The following MINDY4B variants were observed in gnomAD, a reference collection of about 807,000 sequenced individuals.
MINDY4B encodes inactive ubiquitin carboxyl-terminal hydrolase MINDY-4B.
In MINDY4B, 25 loss-of-function variants were observed where a neutral mutation model predicts 16.7. That is an observed-to-expected ratio of 1.49 (90% CI 1.09 to 2.09). MINDY4B has a LOEUF of 2.09. Ranked by LOEUF, MINDY4B falls within the 30% of genes most tolerant of loss-of-function variation. The pLI, the probability that MINDY4B is intolerant of heterozygous loss-of-function variation, is 0.00. For missense variants in MINDY4B, 327 were observed against 168.4 expected (o/e 1.94, Z -5.21); for synonymous variants, 132 against 61.9 (o/e 2.13, Z -5.32).
intron 5 of MINDY4B, among the ~76,000 whole-genome samples, chr3:150,891,670 G>A (rs1711811183): frequency 1.3e-5 from 2 of 151,032 alleles, no homozygotes. Flanking sequence ...GCTGAGGCAG[G>A]AGAATGGTTT....
chr3:150,880,251 G>C (rs927593085), intron 10 of MINDY4B, among the ~76,000 whole-genome samples: 1 of 152,184 alleles, frequency 6.6e-6, no homozygotes, highest in South Asian at 2.1e-4. Flanking sequence ...TTCCAGGCCA[G>C]GGTTATTTTG....
chr3:150,887,851 G>A (rs13074953), intron 7 of MINDY4B, among the ~76,000 whole-genome samples: 10,039 of 152,250 alleles, frequency 0.066, 461 homozygotes, highest in African/African-American at 0.12. Context: ...GCTCACGCCT[G>A]TAATCCCAGC....
intron 4 of MINDY4B, among the ~76,000 whole-genome samples, chr3:150,893,964 T>C (rs1711892572): frequency 6.6e-6 from 1 of 152,214 alleles, no homozygotes; most frequent in Non-Finnish European, 1.5e-5. Context: ...CAGCTGGGAT[T>C]ACAGGTGTGA....
At chr3:150,874,176 C>T (rs1279288252) in intron 10 of MINDY4B, among the ~76,000 whole-genome samples, 7 of 152,016 alleles carry the variant, frequency 4.6e-5, no homozygotes, top group East Asian at 3.9e-4. Context: ...CCATCATGCC[C>T]GACTAATTTT....
rs1458008123 is a variant in MINDY4B at position 150,903,421 on chromosome 3, G to T, written c.142-5C>A. Reference sequence around the variant, plus strand: ...TGTATGGTTGCCTTCATGATTCTGTGCAAATATCACCCCCACAAAAGACAA... The same window carrying T: ...TGTATGGTTGCCTTCATGATTCTGTTCAAATATCACCCCCACAAAAGACAA... On this transcript the variant is annotated splice_region_variant and splice_polypyrimidine_tract_variant and intron_variant, in intron 2 of 11. Transcript: ENST00000465419. The T allele has an allele frequency of 1.3e-5, 5 of 398,366 alleles. No individual in the cohort carries two copies. The highest frequency in any genetic ancestry group is 1.8e-5 in the Non-Finnish European group (4 of 225,968). The allele number at this position is 398,366 out of a possible 1,614,324, so 24.7% of individuals were successfully genotyped here. A position where few individuals can be genotyped will look rare whatever the true frequency, so the allele number is the denominator to read the frequency against.
intron 4 of MINDY4B, 49 bp from the exon 5 acceptor site, chr3:150,893,464 T>C (rs916554475): frequency 1.6e-5 from 11 of 702,348 alleles, no homozygotes; most frequent in South Asian, 8.9e-5. Context: ...TGGAAATTAA[T>C]GTTATCTATT....
At chr3:150,885,157 A>G (rs980606621) in intron 8 of MINDY4B, among the ~76,000 whole-genome samples, 1 of 152,252 alleles carries the variant, frequency 6.6e-6, no homozygotes, top group Non-Finnish European at 1.5e-5. Flanking sequence ...AGGGTATTGT[A>G]AGAACAGATT....
At chr3:150,875,683 T>C (rs1711496225) in intron 10 of MINDY4B, among the ~76,000 whole-genome samples, 1 of 152,160 alleles carries the variant, frequency 6.6e-6, no homozygotes, top group Non-Finnish European at 1.5e-5. Context: ...GCAACCACCT[T>C]CAACCCTCCA....
At chr3:150,892,935 T>C (rs1218610382) in intron 5 of MINDY4B, among the ~76,000 whole-genome samples, 2 of 129,986 alleles carry the variant, frequency 1.5e-5, no homozygotes, top group East Asian at 2.2e-4. Flanking sequence ...AGTGAGACTT[T>C]GTTGCAAAAA....
intron 7 of MINDY4B, among the ~76,000 whole-genome samples, chr3:150,888,061 CG>C (rs1347608457): frequency 2.0e-5 from 3 of 151,934 alleles, no homozygotes; most frequent in Non-Finnish European, 4.4e-5. Context: ...GAGCCGAGAT[CG>C]CACCACTGTA....
intron 10 of MINDY4B, among the ~76,000 whole-genome samples, chr3:150,879,091 T>C (rs1173356970): frequency 6.6e-6 from 1 of 152,232 alleles, no homozygotes; most frequent in African/African-American, 2.4e-5. Flanking sequence ...TTCCAAAGCC[T>C]TGCAACTGTT....
chr3:150,897,630 C>T (rs1480815339), intron 3 of MINDY4B, among the ~76,000 whole-genome samples: 2 of 152,120 alleles, frequency 1.3e-5, no homozygotes, highest in Non-Finnish European at 1.5e-5. Context: ...CCTATGTTGG[C>T]CCAGGGGCCG....
At chr3:150,883,366 T>C (rs1711555318) in intron 9 of MINDY4B, among the ~76,000 whole-genome samples, 1 of 152,138 alleles carries the variant, frequency 6.6e-6, no homozygotes, top group South Asian at 2.1e-4. Context: ...AGCTAAGATG[T>C]TTTTTAGCAC....
Position 150,873,364 on chromosome 3 carries a change from C to A in MINDY4B, c.1063G>T (p.Gly355Cys). 1 of 702,458 alleles carries A rather than the reference C, an allele frequency of 1.4e-6. No individual in the cohort carries two copies. Among genetic ancestry groups the A allele is most frequent in the Non-Finnish European group, 2.6e-6 (1 of 384,696 alleles). The allele number at this position is 702,458 out of a possible 1,614,324, so 43.5% of individuals were successfully genotyped here. A position where few individuals can be genotyped will look rare whatever the true frequency, so the allele number is the denominator to read the frequency against. Residue 355 changes from glycine to cysteine, a missense_variant, in exon 11 of 12, where the codon GGC (glycine) becomes TGC (cysteine). Physicochemically the swap from Gly to Cys is radical, Grantham distance 159. Coordinates refer to ENST00000465419, the MANE Select transcript of MINDY4B (RefSeq NM_001351281.2). ...ASEDDRLSQVGSMLKTPKLPI... is the reference protein window; with the variant it reads ...ASEDDRLSQVCSMLKTPKLPI... The stretch of plus-strand genomic sequence containing the variant: ...AATTTGGGAGTCTTCAGCATGCTGC[C>A]CACCTGGAAAGGGGAAGGGGAATGC...
chr3:150,900,966 T>C (rs1171751772), intron 3 of MINDY4B, among the ~76,000 whole-genome samples: 1 of 152,210 alleles, frequency 6.6e-6, no homozygotes, highest in Non-Finnish European at 1.5e-5. Flanking sequence ...AAAAGGTATG[T>C]GGTGAAGACT....
At chr3:150,903,486 C>T (rs1294905326) in intron 2 of MINDY4B, 70 bp from the exon 3 acceptor site, 2 of 397,750 alleles carry the variant, frequency 5.0e-6, no homozygotes, top group Admixed American at 8.8e-5. Context: ...TAAATTTTCT[C>T]TTTTTCTCTC....
intron 10 of MINDY4B, among the ~76,000 whole-genome samples, chr3:150,873,791 G>A (rs1003139272): frequency 1.3e-5 from 2 of 152,126 alleles, no homozygotes; most frequent in Non-Finnish European, 2.9e-5. Flanking sequence ...TCAGCAGGTG[G>A]TGGTAAGACT....
At chr3:150,904,939 C>T (rs576387777) in intron 2 of MINDY4B, 123 bp downstream of exon 2, 7 of 397,154 alleles carry the variant, frequency 1.8e-5, no homozygotes, top group Admixed American at 8.8e-5. Context: ...TATGTTTTCA[C>T]GCGTTAAATG....
intron 10 of MINDY4B, among the ~76,000 whole-genome samples, chr3:150,879,891 T>G (rs1406802092): frequency 6.6e-6 from 1 of 152,248 alleles, no homozygotes; most frequent in African/African-American, 2.4e-5. Context: ...TATGGTCAAG[T>G]ATGGCCCATC....
Sources: allele counts gnomAD v4.1 joint callset (sites outside exome capture counted in the v4.1 genomes callset), GRCh38; gene constraint gnomAD v4.1.1; transcripts MANE v1.5; gene names NCBI Gene and HGNC (gene_info 2026-07-23, HGNC 2026-07-21).